The following PSD variants were observed in gnomAD, a reference collection of about 807,000 sequenced individuals.
The protein encoded by PSD is PH and SEC7 domain-containing protein 1.
PSD carries 32 observed loss-of-function variants against 91.6 expected under a neutral mutation model. That is an observed-to-expected ratio of 0.35 (90% CI 0.26 to 0.47). The LOEUF (loss-of-function observed/expected upper bound fraction) is 0.47. Among genes scored for constraint, PSD ranks in the 20% least tolerant of loss-of-function variants. The pLI is 1.00. For missense variants in PSD, 1,099 were observed against 1,373.9 expected (o/e 0.80, Z 3.16); for synonymous variants, 532 against 569.3 (o/e 0.93, Z 0.93).
chr10:102,407,149 A>G, intron 11 of PSD, 74 bp downstream of exon 11: 1 of 1,170,488 alleles, frequency 8.5e-7, no homozygotes, highest in Non-Finnish European at 1.2e-6. Context: ...GGCCTACCCC[A>G]GCTCTCTCAG....
Position 102,403,928 on chromosome 10 carries a change from C to T in PSD, c.2758G>A (p.Glu920Lys). 6.3e-7 allele frequency: 1 copy of T among 1,590,028 alleles called. No individual in the cohort carries two copies. The highest frequency in any genetic ancestry group is 2.3e-5 in the East Asian group (1 of 43,844). ...KLKAMASELR[E>K]HRAAQLGKKG... The stretch of plus-strand genomic sequence containing the variant: ...TTGCCCAGCTGGGCGGCCCGGTGCT[C>T]CCGCAGCTCACTTGCCATGGCCTTC... Residue 920 changes from glutamate (E) to lysine (K), a missense_variant, in exon 16 of 17, where the codon GAG becomes AAG. Coordinates refer to ENST00000020673, the MANE Select transcript of PSD (RefSeq NM_002779.5). This position sits in a 1 kb window ranked among gnomAD's most constrained non-coding sequence, Gnocchi z 6.7.
At position 102,412,471 on chromosome 10, in the gene PSD, G is replaced by A. The variant is rs547833956; in HGVS notation, c.1658C>T (p.Ala553Val). The A allele has an allele frequency of 1.7e-5, 27 of 1,614,072 alleles. 1 individual carries two copies. Among genetic ancestry groups the A allele is most frequent in the Admixed American group, 1.0e-4 (6 of 60,022 alleles). Residue 553 changes from alanine to valine, a missense_variant, in exon 6 of 17, where the codon GCG becomes GTG. By Grantham distance (64) the Ala-to-Val change is moderately conservative. Coordinates refer to ENST00000020673, the MANE Select transcript of PSD (RefSeq NM_002779.5). The stretch of plus-strand genomic sequence containing the variant: ...CAGGCGCTGCGCAGCCTCCAGGTCC[G>A]CTTTCTGCCCATTGGACAAGGTGTC... ...STDTLSNGQK[A>V]DLEAAQRLAK... is the part of the protein sequence containing the mutation.
Position 102,404,901 on chromosome 10 carries a change from G to A in PSD, c.2552C>T (p.Ala851Val). 6.2e-7 allele frequency: 1 copy of A among 1,612,688 alleles called. No individual in the cohort carries two copies. The highest frequency in any genetic ancestry group is 8.5e-7 in the Non-Finnish European group (1 of 1,179,366). The change falls in exon 14 of 17, where the codon GCC becomes GTC. Residue 851 changes from alanine (A) to valine (V), a missense_variant. Physicochemically the swap from Ala to Val is moderately conservative, Grantham distance 64. Coordinates refer to ENST00000020673, the MANE Select transcript of PSD (RefSeq NM_002779.5). This position sits in a 1 kb window ranked among gnomAD's most constrained non-coding sequence, Gnocchi z 5.7. ...TADWRVFLFQAPSLEQMQSWI... is the reference protein window; with the variant it reads ...TADWRVFLFQVPSLEQMQSWI... Reference sequence around the variant, plus strand: ...TGGGCAGGAGGAGGGCACTCACGGGGCCTGGAAGAGGAAGACCCGCCAGTC... The same window carrying A: ...TGGGCAGGAGGAGGGCACTCACGGGACCTGGAAGAGGAAGACCCGCCAGTC...
Position 102,411,590 on chromosome 10 carries a change from G to A in PSD, c.1942+117C>T, listed in dbSNP as rs572655830. 1.7e-4 allele frequency: 129 copies of A among 768,060 alleles called. 2 individuals carry two copies. Among genetic ancestry groups the A allele is most frequent in the South Asian group, 9.1e-4 (61 of 66,986 alleles). The allele number at this position is 768,060 out of a possible 1,614,324, so 47.6% of individuals were successfully genotyped here. A position where few individuals can be genotyped will look rare whatever the true frequency, so the allele number is the denominator to read the frequency against. On this transcript the variant is annotated intron_variant, in intron 8 of 16. Transcript: ENST00000020673. Reference sequence around the variant, plus strand: ...CACATGCAAGTTCACATGCCTACACGCATGTACATCCATTCCCTGCTGTAC... The same window carrying A: ...CACATGCAAGTTCACATGCCTACACACATGTACATCCATTCCCTGCTGTAC...
In PSD at chr10:102,414,246, G is replaced by A; in HGVS notation, c.1125-49C>T. 6.7e-7 allele frequency: 1 copy of A among 1,499,710 alleles called. No individual in the cohort carries two copies. Among genetic ancestry groups the A allele is most frequent in the Non-Finnish European group, 9.1e-7 (1 of 1,104,350 alleles). 92.9% of individuals were successfully genotyped at this position (1,499,710 alleles called of 1,614,324 possible). ...GATTAGGGGCCCAGATCACAGGGCT[G>A]GGGCAGGATTTCACTGAACTCTCAC... On this transcript the variant is annotated intron_variant, in intron 4 of 16. Coordinates refer to ENST00000020673, the MANE Select transcript of PSD (RefSeq NM_002779.5). The surrounding 1 kb of genome is among the most constrained non-coding windows in gnomAD (Gnocchi z 5.6).
chr10:102,408,770 G>T, intron 10 of PSD: 1 of 531,576 alleles, frequency 1.9e-6, no homozygotes, highest in Non-Finnish European at 2.4e-6. Flanking sequence ...GCCCGCCTCT[G>T]GCTGCCCATG....
In PSD at chr10:102,403,269, GCTGGAGGGTTTGGGCTGCAGGGAGGGA is replaced by G. The variant is rs772759051; in HGVS notation, c.2979_3005del (p.Pro994_Ser1002del). On this transcript the variant is annotated inframe_deletion, in exon 17 of 17. Transcript: ENST00000020673. This position sits in a 1 kb window ranked among gnomAD's most constrained non-coding sequence, Gnocchi z 6.7. ...AGCTGTGACGCTGAGCCCGGGGCTG[GCTGGAGGGTTTGGGCTGCAGGGAGGGA>G]CTGGAGTGAGAAGGAGGGAGTCCAT... The G allele has an allele frequency of 6.2e-7, 1 of 1,612,268 alleles. No individual in the cohort carries two copies. Among genetic ancestry groups the G allele is most frequent in the Non-Finnish European group, 8.5e-7 (1 of 1,178,876 alleles).
chr10:102,404,007 G>T lies in PSD; in HGVS notation c.2701-22C>A. On this transcript the variant is annotated intron_variant, in intron 15 of 16. Coordinates refer to ENST00000020673, the MANE Select transcript of PSD (RefSeq NM_002779.5). The surrounding 1 kb of genome is among the most constrained non-coding windows in gnomAD (Gnocchi z 5.7). ...CCTCCTAGCGGCCAGGGGGAGGCAT[G>T]GTCATGGTCACTCTGCCCTATACAG... The T allele has an allele frequency of 6.5e-7, 1 of 1,538,482 alleles. No homozygotes were observed. The highest frequency in any genetic ancestry group is 1.2e-5 in the South Asian group (1 of 84,018).
chr10:102,414,936 C>T lies in PSD; in HGVS notation c.1051G>A (p.Asp351Asn), dbSNP rs750445367. 6.5e-7 allele frequency: 1 copy of T among 1,547,316 alleles called. No individual in the cohort carries two copies. The highest frequency in any genetic ancestry group is 2.3e-5 in the East Asian group (1 of 44,008). The change falls in exon 4 of 17, where the codon GAT (aspartate) becomes AAT (asparagine). Residue 351 changes from aspartate to asparagine, a missense_variant. Around this residue, in one of 3 missense-constraint regions of PSD, gnomAD observed 631 missense variants for 728.8 expected, o/e 0.87. Transcript: ENST00000020673. This position sits in a 1 kb window ranked among gnomAD's most constrained non-coding sequence, Gnocchi z 5.6. ...PHPSLGSGNE[D>N]EDDDEAGGEE... Reference sequence around the variant, plus strand: ...CCACCTGCCTCATCGTCGTCCTCATCCTCATTGCCACTGCCGAGGCTGGGA... The same window carrying T: ...CCACCTGCCTCATCGTCGTCCTCATTCTCATTGCCACTGCCGAGGCTGGGA...
In PSD at chr10:102,412,134, G is replaced by A. The variant is rs2061431537; in HGVS notation, c.1829+13C>T. On this transcript the variant is annotated intron_variant, in intron 7 of 16. Transcript: ENST00000020673. The stretch of plus-strand genomic sequence containing the variant: ...GGAGAGTGGGGGCTGTCCTCCAAGG[G>A]GTCAACACCCACCTGAGAGCTTGGT... 1 of 1,613,174 alleles carries A rather than the reference G, an allele frequency of 6.2e-7. No homozygotes were observed. The highest frequency in any genetic ancestry group is 8.5e-7 in the Non-Finnish European group (1 of 1,179,228).
chr10:102,417,707 CTTTTT>C (rs5787453), intron 1 of PSD, among the ~76,000 whole-genome samples: 3 of 122,936 alleles, frequency 2.4e-5, no homozygotes, highest in Non-Finnish European at 3.4e-5. Flanking sequence ...GGACATTCTT[CTTTTT>C]TTTTTTTTTT....
At position 102,404,215 on chromosome 10, in the gene PSD, G is replaced by C. The variant is rs1026490639; in HGVS notation, c.2701-230C>G. ...TATAAAAAATTAGCCAGGCGTGGTG[G>C]CAGGTGCCTGTAGTCCCAGCTACTC... On this transcript the variant is annotated intron_variant, in intron 15 of 16. Coordinates refer to ENST00000020673, the MANE Select transcript of PSD (RefSeq NM_002779.5). The surrounding 1 kb of genome is among the most constrained non-coding windows in gnomAD (Gnocchi z 5.7). Among the ~76,000 whole-genome samples, 17 of 152,170 alleles carry C rather than the reference G, an allele frequency of 1.1e-4. No individual in the cohort carries two copies.
intron 1 of PSD, 37 bp downstream of exon 1, chr10:102,418,664 C>T: frequency 2.2e-6 from 1 of 453,386 alleles, no homozygotes; most frequent in South Asian, 1.6e-5. Flanking sequence ...AGCGCATACC[C>T]GGTGCAGCCC....
Position 102,405,478 on chromosome 10 carries a change from T to C in PSD, c.2194A>G (p.Ile732Val). The change falls in exon 12 of 17, where the codon ATC (isoleucine) becomes GTC (valine). Residue 732 changes from isoleucine to valine, a missense_variant. Physicochemically the swap from Ile to Val is conservative, Grantham distance 29. Around this residue, in one of 3 missense-constraint regions of PSD, gnomAD observed 358 missense variants for 426.5 expected, o/e 0.84. Coordinates refer to ENST00000020673, the MANE Select transcript of PSD (RefSeq NM_002779.5). The surrounding 1 kb of genome is among the most constrained non-coding windows in gnomAD (Gnocchi z 5.4). ...SELADPNPKVIKRISGGSGSG... is the reference protein window; with the variant it reads ...SELADPNPKVVKRISGGSGSG... ...CCACTGCCCCCGCTGATCCGCTTGA[T>C]GACCTTGGGGTTGGGGTCGGCCAAC... The C allele has an allele frequency of 6.2e-7, 1 of 1,614,016 alleles. No individual in the cohort carries two copies.
rs547748984 is a variant in PSD, at chr10:102,405,323, C to T, written c.2326+23G>A. ...CTCCCATCCATCCCCTAGACGCCCG[C>T]CCCCCGCAACTCGGCCACATACTCT... On this transcript the variant is annotated intron_variant, in intron 12 of 16. Transcript: ENST00000020673. This position sits in a 1 kb window ranked among gnomAD's most constrained non-coding sequence, Gnocchi z 5.4. 2.5e-6 allele frequency: 4 copies of T among 1,607,630 alleles called. No homozygotes were observed. In the African/African-American group the frequency reaches 5.3e-5, roughly 21 times the overall value.
chr10:102,407,685 T>C (rs566091044), intron 10 of PSD, among the ~76,000 whole-genome samples: 58 of 152,116 alleles, frequency 3.8e-4, no homozygotes, highest in Non-Finnish European at 6.5e-4. Context: ...CGCTCTGGCC[T>C]GTTTCCACAG....
Position 102,418,363 on chromosome 10 carries a change from C to T in PSD, c.-84+338G>A, listed in dbSNP as rs117666402. ...CACACAGAGGTCCAGGTGTATCAGA[C>T]ACTCACAGAGACCTACTGCTCACAG... On this transcript the variant is annotated intron_variant, in intron 1 of 16. Transcript: ENST00000020673. Among the ~76,000 whole-genome samples the T allele has an allele frequency of 9.5e-4, 144 of 152,236 alleles. 2 individuals carry two copies. In the East Asian group the frequency reaches 0.025, roughly 26 times the overall value.
rs916178789 is a variant in PSD at position 102,414,511 on chromosome 10, G to T, written c.1125-314C>A. Among the ~76,000 whole-genome samples the T allele has an allele frequency of 6.6e-6, 1 of 152,034 alleles. No homozygotes were observed. The highest frequency in any genetic ancestry group is 6.5e-5 in the Admixed American group (1 of 15,272). ...TAGCAACATCTTAGGAGAAGATGAG[G>T]CTCCAAGCGACACTGGGGTGTGAGA... On this transcript the variant is annotated intron_variant, in intron 4 of 16. Transcript: ENST00000020673. The surrounding 1 kb of genome is among the most constrained non-coding windows in gnomAD (Gnocchi z 5.6).
Position 102,411,724 on chromosome 10 carries a change from T to A in PSD, c.1925A>T (p.Glu642Val). 1 of 1,613,390 alleles carries A rather than the reference T, an allele frequency of 6.2e-7. No homozygotes were observed. The highest frequency in any genetic ancestry group is 1.1e-5 in the South Asian group (1 of 90,908). ...CTCCTCACCCTCTGAGGACAGGGCT[T>A]CAGGATTGCACTGGAAGTATCGCTG... ...FSQRYFQCNPEALSSEDGAHT... is the reference protein window; with the variant it reads ...FSQRYFQCNPVALSSEDGAHT... Residue 642 changes from glutamate to valine, a missense_variant, in exon 8 of 17, where the codon GAA (glutamate) becomes GTA (valine). Glu to Val is a moderately radical substitution (Grantham distance 121). Around this residue, in one of 3 missense-constraint regions of PSD, gnomAD observed 110 missense variants for 218.7 expected, o/e 0.50. Transcript: ENST00000020673.
Sources: allele counts gnomAD v4.1 joint callset (sites outside exome capture counted in the v4.1 genomes callset), GRCh38; gene constraint gnomAD v4.1.1; regional missense constraint gnomAD v4.1.1; non-coding constraint Gnocchi (gnomAD v3.1); transcripts MANE v1.5; gene names NCBI Gene and HGNC (gene_info 2026-07-23, HGNC 2026-07-21).